Variants in ABCA9 observed in about 807,000 individuals in gnomAD.
ABCA9 encodes ATP binding cassette subfamily A member 9, also known as ATP-binding cassette sub-family A member 9.
ABCA9 carries 183 observed loss-of-function variants against 205.3 expected under a neutral mutation model. The ratio of observed to expected loss-of-function variants is 0.89; its 90% CI spans 0.79 to 1.01. ABCA9 has a LOEUF of 1.01. ABCA9 is among the 50% of genes least tolerant of loss of function. The probability of loss-of-function intolerance (pLI) is 0.00; values close to 1 mark genes in which losing one functional copy is unlikely to be tolerated. For synonymous variants in ABCA9, 651 were observed against 683.3 expected (o/e 0.95, Z 0.74); for missense variants, 1,805 against 1,912.4 (o/e 0.94, Z 1.05).
chr17:69,041,757 C>CTATCTATCTATT (rs2071551110), intron 6 of ABCA9, among the ~76,000 whole-genome samples: 1 of 151,762 alleles, frequency 6.6e-6, no homozygotes, highest in Non-Finnish European at 1.5e-5. Flanking sequence ...ATCTATCTAT[C>CTATCTATCTATT]TATCTTGACC....
chr17:69,027,199 G>A, intron 14 of ABCA9, 85 bp from the exon 15 acceptor site: 2 of 1,576,402 alleles, frequency 1.3e-6, no homozygotes, highest in Non-Finnish European at 1.7e-6. Context: ...AAGTATTTGG[G>A]AGAAACTTGT....
chr17:69,027,866 T>C (rs749851413), intron 12 of ABCA9, 51 bp from the exon 13 acceptor site: 16 of 1,404,534 alleles, frequency 1.1e-5, no homozygotes, highest in East Asian at 7.0e-5. Context: ...TCATGCTTCA[T>C]TGAAGATCTT....
chr17:69,004,554 G>T (rs1464818341), intron 25 of ABCA9, among the ~76,000 whole-genome samples: 2 of 152,226 alleles, frequency 1.3e-5, no homozygotes, highest in Non-Finnish European at 2.9e-5. Flanking sequence ...AGAGGTTACT[G>T]CTGTCTTTTT....
At chr17:68,985,453 C>T (rs1330354506) in intron 32 of ABCA9, among the ~76,000 whole-genome samples, 1 of 152,034 alleles carries the variant, frequency 6.6e-6, no homozygotes, top group Non-Finnish European at 1.5e-5. Flanking sequence ...GAAATCCTGT[C>T]TCTACTAAAA....
chr17:69,074,487 G>A, the ABCA9 span, among the ~76,000 whole-genome samples: 205 of 152,254 alleles, frequency 1.3e-3, 3 homozygotes, highest in East Asian at 6.0e-3. Flanking sequence ...ACTTATAAGT[G>A]AGAACATGTG....
chr17:69,017,279 G>A (rs2070653397), intron 21 of ABCA9, among the ~76,000 whole-genome samples: 1 of 152,102 alleles, frequency 6.6e-6, no homozygotes, highest in Admixed American at 6.6e-5. Context: ...CAGGTGATAT[G>A]AATGAGCAAA....
Position 68,983,756 on chromosome 17 carries a change from G to T in ABCA9, c.4593C>A (p.Leu1531=), listed in dbSNP as rs1332881132. 1.2e-6 allele frequency: 2 copies of T among 1,614,190 alleles called. No individual in the cohort carries two copies. Among genetic ancestry groups the T allele is most frequent in the South Asian group, 1.1e-5 (1 of 91,084 alleles). ...GGAAAAGCCTCAGGATCTCTGCATGGAGGGGCTCCATTTGTGCCAGGTTCT... is the reference window on the plus strand; with the variant it reads ...GGAAAAGCCTCAGGATCTCTGCATGTAGGGGCTCCATTTGTGCCAGGTTCT... ...KLKNLAQMEP[L]HAEILRLFPQ... The change falls in exon 36 of 39, where the codon CTC becomes CTA. Residue 1531 remains leucine, a synonymous_variant. Transcript: ENST00000340001.
chr17:69,045,156 C>T lies in ABCA9; in HGVS notation c.469+16G>A, dbSNP rs773885681. 1.9e-6 allele frequency: 3 copies of T among 1,605,612 alleles called. No individual in the cohort carries two copies. Among genetic ancestry groups the T allele is most frequent in the Admixed American group, 1.7e-5 (1 of 58,434 alleles). On this transcript the variant is annotated intron_variant, in intron 4 of 38. Transcript: ENST00000340001. ...ATACAATAGCAAAAAAAATTTTTTT[C>T]TTCTTCAAAAGTTACCTGAATGGTC...
At chr17:69,032,003 G>C in intron 10 of ABCA9, 105 bp downstream of exon 10, 1 of 1,033,754 alleles carries the variant, frequency 9.7e-7, no homozygotes, top group Non-Finnish European at 1.4e-6. Context: ...GCTGTAGGTG[G>C]GTACAGAGGG....
Position 69,044,751 on chromosome 17 carries a change from G to A in ABCA9, c.470-151C>T, listed in dbSNP as rs1040118883. The A allele has an allele frequency of 2.7e-5, 16 of 590,102 alleles. 1 individual carries two copies. Among genetic ancestry groups the A allele is most frequent in the Non-Finnish European group, 2.9e-5 (10 of 341,204 alleles). 36.6% of individuals were successfully genotyped at this position (590,102 alleles called of 1,614,324 possible). ...TGAGAGTTGCAGAGCACACCCAAAC[G>A]GAATATAGCAGAATTACTTTACGAA... is the stretch of plus-strand genomic sequence containing the variant. On this transcript the variant is annotated intron_variant, in intron 4 of 38. Coordinates refer to ENST00000340001, the MANE Select transcript of ABCA9 (RefSeq NM_080283.4).
At position 69,016,148 on chromosome 17, in the gene ABCA9, T is replaced by A. The variant is rs9894894; in HGVS notation, c.3039+105A>T. ...TACACACACACACACACACACAAGTTTAAGAATAGATTCACAAAAAGTAAT... is the reference window on the plus strand; with the variant it reads ...TACACACACACACACACACACAAGTATAAGAATAGATTCACAAAAAGTAAT... On this transcript the variant is annotated intron_variant, in intron 22 of 38. Transcript: ENST00000340001. 11,627 of 705,664 alleles carry A rather than the reference T, an allele frequency of 0.016. 1,104 individuals are homozygous for A. The African/African-American group carries it at 0.2, about 12-fold the overall frequency. 43.7% of individuals were successfully genotyped at this position (705,664 alleles called of 1,614,324 possible). A position where few individuals can be genotyped will look rare whatever the true frequency, so the allele number is the denominator to read the frequency against.
rs1270372994 is a variant in ABCA9 at position 69,016,123 on chromosome 17, T to TATATATAC, written c.3039+129_3039+130insGTATATAT. Reference sequence around the variant, plus strand: ...GTGTGTATATATATATATATATATATACACACACACACACACACACAAGTT... The same window carrying TATATATAC: ...GTGTGTATATATATATATATATATATATATATACACACACACACACACACACACAAGTT... On this transcript the variant is annotated intron_variant, in intron 22 of 38. Coordinates refer to ENST00000340001, the MANE Select transcript of ABCA9 (RefSeq NM_080283.4). 5.2e-3 allele frequency: 558 copies of TATATATAC among 106,860 alleles called. 3 individuals carry two copies. Among genetic ancestry groups the TATATATAC allele is most frequent in the African/African-American group, 0.016 (536 of 33,340 alleles). 6.6% of individuals were successfully genotyped at this position (106,860 alleles called of 1,614,324 possible). A position where few individuals can be genotyped will look rare whatever the true frequency, so the allele number is the denominator to read the frequency against.
chr17:69,039,304 C>T (rs2071456039), intron 6 of ABCA9, among the ~76,000 whole-genome samples: 1 of 152,174 alleles, frequency 6.6e-6, no homozygotes, highest in Non-Finnish European at 1.5e-5. Context: ...CACTATTTGA[C>T]TTCAAACTGT....
chr17:69,027,254 T>A, intron 14 of ABCA9, 76 bp downstream of exon 14: 2 of 1,565,940 alleles, frequency 1.3e-6, no homozygotes, highest in Non-Finnish European at 1.7e-6. Flanking sequence ...CATTTATCAT[T>A]TGAAAATTGT....
rs1393580946 is a variant in ABCA9, at chr17:69,000,640, G to T, written c.3436-4626C>A. Among the ~76,000 whole-genome samples the T allele has an allele frequency of 2.0e-5, 3 of 149,476 alleles. No individual in the cohort carries two copies. The East Asian group carries it at 5.8e-4, about 29-fold the overall frequency. On this transcript the variant is annotated intron_variant, in intron 25 of 38. Transcript: ENST00000340001. The stretch of plus-strand genomic sequence containing the variant: ...TTTTTGGTTCCATATGAACTTTAAA[G>T]TAGTTTTTTCCAATTCTGTGAAGAA...
chr17:68,990,036 A>C, intron 29 of ABCA9, 106 bp from the exon 30 acceptor site: 1 of 782,592 alleles, frequency 1.3e-6, no homozygotes, highest in Non-Finnish European at 2.1e-6. Flanking sequence ...TCATGAATCA[A>C]ACCACTTCTT....
intron 28 of ABCA9, among the ~76,000 whole-genome samples, chr17:68,991,796 G>T (rs1419377493): frequency 6.6e-6 from 1 of 152,038 alleles, no homozygotes; most frequent in East Asian, 1.9e-4. Flanking sequence ...GCCTACAAAG[G>T]AGCTCCTGGT....
chr17:69,073,666 A>T, the ABCA9 span, among the ~76,000 whole-genome samples: 1 of 152,312 alleles, frequency 6.6e-6, no homozygotes, highest in Admixed American at 6.5e-5. Flanking sequence ...TAAAATTGAC[A>T]CCCTAACATT....
At position 69,035,256 on chromosome 17, in the gene ABCA9, C is replaced by T; in HGVS notation, c.1118G>A (p.Gly373Glu). Residue 373 changes from glycine to glutamate, a missense_variant, in exon 8 of 39, where the codon GGG (glycine) becomes GAG (glutamate). Physicochemically the swap from Gly to Glu is moderately conservative, Grantham distance 98. Coordinates refer to ENST00000340001, the MANE Select transcript of ABCA9 (RefSeq NM_080283.4). ...TACCTTAACTCTTACCTGGGCCATC[C>T]CAACAGTGAAGGCAAAGGGGCTAAG... is the stretch of plus-strand genomic sequence containing the variant. ...CLLSPFAFTV[G>E]MAQLIHLDYD... The T allele has an allele frequency of 6.3e-7, 1 of 1,578,786 alleles. No homozygotes were observed. The highest frequency in any genetic ancestry group is 8.6e-7 in the Non-Finnish European group (1 of 1,164,180).
Sources: allele counts gnomAD v4.1 joint callset (sites outside exome capture counted in the v4.1 genomes callset), GRCh38; gene constraint gnomAD v4.1.1; transcripts MANE v1.5; gene names NCBI Gene and HGNC (gene_info 2026-07-23, HGNC 2026-07-21).